The following CHMP2B variants were observed in gnomAD, a reference collection of about 807,000 sequenced individuals.
CHMP2B encodes charged multivesicular body protein 2B.
Under a neutral mutation model 29.8 loss-of-function variants are expected in CHMP2B, and 22 were observed. The observed-to-expected ratio is 0.74, with a 90% CI of 0.53 to 1.05. The LOEUF is 1.05. Among genes scored for constraint, CHMP2B ranks in the 50% least tolerant of loss-of-function variants. CHMP2B has a pLI of 0.00. For missense variants in CHMP2B, 261 were observed against 252.2 expected (o/e 1.03, Z -0.24); for synonymous variants, 78 against 75.8 (o/e 1.03, Z -0.15).
intron 1 of CHMP2B, among the ~76,000 whole-genome samples, chr3:87,233,375 A>G (rs1486711700): frequency 2.0e-5 from 3 of 151,990 alleles, no homozygotes; most frequent in African/African-American, 7.2e-5. Context: ...TGTTCCTAGA[A>G]CCGGAACTTT....
chr3:87,253,659 C>T (rs1706353052), intron 5 of CHMP2B, 53 bp from the exon 6 acceptor site: 3 of 1,469,954 alleles, frequency 2.0e-6, no homozygotes, highest in Admixed American at 1.7e-5. Context: ...TCCTGTATGT[C>T]CTAGTCCAAA....
intron 2 of CHMP2B, among the ~76,000 whole-genome samples, chr3:87,241,053 G>A (rs1206835481): frequency 6.6e-6 from 1 of 152,146 alleles, no homozygotes; most frequent in East Asian, 1.9e-4. Context: ...TATCTAGGAA[G>A]AAAGATTGCT....
At chr3:87,248,886 CT>C (rs1706263862) in intron 3 of CHMP2B, among the ~76,000 whole-genome samples, 1 of 152,060 alleles carries the variant, frequency 6.6e-6, no homozygotes, top group African/African-American at 2.4e-5. Flanking sequence ...TGTATGGATT[CT>C]TTTAATATAC....
intron 3 of CHMP2B, among the ~76,000 whole-genome samples, chr3:87,249,520 A>C (rs1706276154): frequency 6.6e-6 from 1 of 152,038 alleles, no homozygotes; most frequent in Non-Finnish European, 1.5e-5. Context: ...TTTTTATAAA[A>C]ATTAAATTTA....
intron 1 of CHMP2B, among the ~76,000 whole-genome samples, chr3:87,229,930 A>T (rs1023599407): frequency 3.3e-5 from 5 of 152,332 alleles, no homozygotes; most frequent in African/African-American, 1.2e-4. Context: ...ACAAAGATGA[A>T]CAAGTCTCTG....
chr3:87,248,388 C>T (rs1237691997), intron 3 of CHMP2B, among the ~76,000 whole-genome samples: 9 of 151,654 alleles, frequency 5.9e-5, no homozygotes, highest in South Asian at 4.2e-4. Flanking sequence ...GAGACAGTCT[C>T]GCTCTGTTGC....
intron 4 of CHMP2B, among the ~76,000 whole-genome samples, chr3:87,250,829 C>A (rs1389203216): frequency 2.0e-5 from 3 of 151,742 alleles, no homozygotes; most frequent in African/African-American, 7.2e-5. Context: ...TTTTATAAGG[C>A]TGTTGGTTTG....
intron 2 of CHMP2B, among the ~76,000 whole-genome samples, chr3:87,243,867 C>G (rs748334754): frequency 1.3e-5 from 2 of 151,642 alleles, no homozygotes; most frequent in Non-Finnish European, 2.9e-5. Context: ...TGTGTTCTCT[C>G]TCTCTCTGTC....
chr3:87,243,716 G>A (rs1046513483), intron 2 of CHMP2B, among the ~76,000 whole-genome samples: 7 of 152,012 alleles, frequency 4.6e-5, no homozygotes, highest in Admixed American at 2.0e-4. Flanking sequence ...AGCTTTGGTG[G>A]CTTTAGTCTG....
At chr3:87,240,367 A>G (rs938857347) in intron 1 of CHMP2B, 8 of 197,370 alleles carry the variant, frequency 4.1e-5, no homozygotes, top group Non-Finnish European at 8.5e-5. Flanking sequence ...CTGGAGTGCA[A>G]TGGCATGATC....
chr3:87,239,524 G>A (rs1706075808), intron 1 of CHMP2B, among the ~76,000 whole-genome samples: 1 of 152,048 alleles, frequency 6.6e-6, no homozygotes, highest in African/African-American at 2.4e-5. Context: ...TCTTTCTCCT[G>A]TTGTTGTTGT....
chr3:87,239,049 C>T (rs1706067601), intron 1 of CHMP2B, among the ~76,000 whole-genome samples: 1 of 152,026 alleles, frequency 6.6e-6, no homozygotes. Context: ...TTTATGTGTT[C>T]ATTGGCCATT....
chr3:87,243,288 A>AT (rs926678198), intron 2 of CHMP2B, among the ~76,000 whole-genome samples: 3 of 151,668 alleles, frequency 2.0e-5, no homozygotes, highest in Non-Finnish European at 2.9e-5. Context: ...GTAATGATGT[A>AT]TTTTTTTTAA....
At chr3:87,240,388 G>A (rs1706094215) in intron 1 of CHMP2B, 4 of 257,130 alleles carry the variant, frequency 1.6e-5, no homozygotes, top group East Asian at 8.7e-5. Flanking sequence ...TCGGCTCAAC[G>A]CAACCATCAC....
intron 1 of CHMP2B, among the ~76,000 whole-genome samples, chr3:87,233,500 G>A (rs1455673189): frequency 6.6e-6 from 1 of 151,934 alleles, no homozygotes; most frequent in Non-Finnish European, 1.5e-5. Context: ...ACGTAGCCAG[G>A]ACTTCTTTTC....
chr3:87,230,634 G>A (rs1403658061), intron 1 of CHMP2B, among the ~76,000 whole-genome samples: 1 of 152,088 alleles, frequency 6.6e-6, no homozygotes, highest in South Asian at 2.1e-4. Flanking sequence ...ACCCACTCCT[G>A]ACTCTCCCTG....
intron 2 of CHMP2B, among the ~76,000 whole-genome samples, chr3:87,244,230 A>G (rs6779111): frequency 0.31 from 47,412 of 151,120 alleles, 9,272 homozygotes; most frequent in Non-Finnish European, 0.44. Context: ...TATTTTTAGT[A>G]GAGAGGGGTT....
At chr3:87,234,306 T>C (rs541368090) in intron 1 of CHMP2B, among the ~76,000 whole-genome samples, 1 of 152,272 alleles carries the variant, frequency 6.6e-6, no homozygotes, top group East Asian at 1.9e-4. Context: ...ATTTTTTGAC[T>C]TTTTATTTTT....
At chr3:87,247,731 C>T (rs1706240620) in intron 3 of CHMP2B, among the ~76,000 whole-genome samples, 1 of 152,126 alleles carries the variant, frequency 6.6e-6, no homozygotes, top group Admixed American at 6.5e-5. Flanking sequence ...TTTTAGACAG[C>T]AGAGCACATG....
Sources: allele counts gnomAD v4.1 joint callset (sites outside exome capture counted in the v4.1 genomes callset), GRCh38; gene constraint gnomAD v4.1.1; transcripts MANE v1.5; gene names NCBI Gene and HGNC (gene_info 2026-07-23, HGNC 2026-07-21).